CERS6: variants seen among roughly 807,000 people sequenced by gnomAD.
CERS6 encodes LAG1 homolog, ceramide synthase 6.
CERS6 carries 26 observed loss-of-function variants against 56.8 expected under a neutral mutation model. That is an observed-to-expected ratio of 0.46 (90% CI 0.34 to 0.63). The LOEUF (loss-of-function observed/expected upper bound fraction) is 0.63. Ranked by LOEUF, CERS6 falls within the 30% of genes least tolerant of loss-of-function variation. The pLI, the probability that CERS6 is intolerant of heterozygous loss-of-function variation, is 0.01. For synonymous variants in CERS6, 164 were observed against 173.3 expected (o/e 0.95, Z 0.42); for missense variants, 415 against 467.5 (o/e 0.89, Z 1.04).
rs555733802 is a variant in CERS6, at chr2:168,499,214, G to A, written c.170+42596G>A. On this transcript the variant is annotated intron_variant, in intron 1 of 9. Transcript: ENST00000305747. ...CAATTAAATATTGTAGGCCAGACTG[G>A]AATGGAGGTGGGCAGGCACTAAGTA... Among the ~76,000 whole-genome samples, 76 of 152,282 alleles carry A rather than the reference G, an allele frequency of 5.0e-4. No homozygotes were observed. The Middle Eastern group carries it at 0.01, about 20-fold the overall frequency.
At chr2:168,667,318 A>G (rs909654748) in intron 4 of CERS6, among the ~76,000 whole-genome samples, 4 of 152,204 alleles carry the variant, frequency 2.6e-5, no homozygotes, top group African/African-American at 9.6e-5. Context: ...GTTCTGTTTT[A>G]TAGGTAAAGT....
chr2:168,686,243 C>T (rs954540395), intron 4 of CERS6, among the ~76,000 whole-genome samples: 1 of 150,412 alleles, frequency 6.6e-6, no homozygotes, highest in African/African-American at 2.5e-5. Flanking sequence ...TGAGCACGCG[C>T]GTGGAGAGGG....
chr2:168,534,128 T>C (rs1695215273), intron 1 of CERS6, among the ~76,000 whole-genome samples: 1 of 152,110 alleles, frequency 6.6e-6, no homozygotes, highest in Admixed American at 6.6e-5. Flanking sequence ...TCACCTTTTA[T>C]CAAGGTTCTT....
rs1167238806 is a variant in CERS6, at chr2:168,774,358, TGTGGATCAGTTGTACA to T, written c.*4697_*4712del. The T allele has an allele frequency of 1.3e-5, 2 of 152,230 alleles. No homozygotes were observed. The highest frequency in any genetic ancestry group is 4.8e-5 in the African/African-American group (2 of 41,450). 9.4% of individuals were successfully genotyped at this position (152,230 alleles called of 1,614,324 possible). The stretch of plus-strand genomic sequence containing the variant: ...TTTAGCTATTGATTTCCCAATAGCT[TGTGGATCAGTTGTACA>T]CCCACACTTCCTTCTCTGCCTAATT... On this transcript the variant is annotated 3_prime_UTR_variant, in exon 10 of 10. Coordinates refer to ENST00000305747, the MANE Select transcript of CERS6 (RefSeq NM_203463.3).
At chr2:168,540,698 T>C (rs568803498) in intron 1 of CERS6, among the ~76,000 whole-genome samples, 1 of 152,236 alleles carries the variant, frequency 6.6e-6, no homozygotes, top group Admixed American at 6.5e-5. Context: ...TGCACTGTCG[T>C]TGAGCCTTCA....
At chr2:168,749,532 G>C (rs749936223) in intron 8 of CERS6, among the ~76,000 whole-genome samples, 7 of 152,178 alleles carry the variant, frequency 4.6e-5, no homozygotes, top group Non-Finnish European at 8.8e-5. Flanking sequence ...GAGCAGATGG[G>C]GGAAGTAGAG....
chr2:168,624,837 A>C (rs916813156), intron 3 of CERS6, among the ~76,000 whole-genome samples: 1 of 152,174 alleles, frequency 6.6e-6, no homozygotes, highest in Non-Finnish European at 1.5e-5. Flanking sequence ...TTCATATCTC[A>C]TGAAAGCTCT....
At chr2:168,665,450 G>A (rs531587613) in intron 4 of CERS6, among the ~76,000 whole-genome samples, 21 of 152,184 alleles carry the variant, frequency 1.4e-4, no homozygotes, top group African/African-American at 4.1e-4. Flanking sequence ...GTGGAAGCTC[G>A]TCCCATGGGA....
At chr2:168,675,883 C>T (rs2105344885) in intron 4 of CERS6, among the ~76,000 whole-genome samples, 2 of 152,024 alleles carry the variant, frequency 1.3e-5, no homozygotes. Flanking sequence ...GACAGGGTTT[C>T]ACCATGTTGG....
chr2:168,496,209 C>T (rs1694465216), intron 1 of CERS6, among the ~76,000 whole-genome samples: 1 of 152,164 alleles, frequency 6.6e-6, no homozygotes, highest in South Asian at 2.1e-4. Context: ...TAGGTTGTTT[C>T]TAGTATCTTC....
chr2:168,529,735 G>C (rs965083354), intron 1 of CERS6, among the ~76,000 whole-genome samples: 2 of 152,208 alleles, frequency 1.3e-5, no homozygotes, highest in Non-Finnish European at 2.9e-5. Flanking sequence ...TTGTGAAGCA[G>C]TGATGATAAT....
At chr2:168,653,758 A>T (rs1207197241) in intron 4 of CERS6, among the ~76,000 whole-genome samples, 1 of 152,214 alleles carries the variant, frequency 6.6e-6, no homozygotes, top group Non-Finnish European at 1.5e-5. Context: ...TGACAGTAAA[A>T]TTCTGCCAAA....
At chr2:168,677,124 C>G (rs1400817235) in intron 4 of CERS6, among the ~76,000 whole-genome samples, 1 of 151,282 alleles carries the variant, frequency 6.6e-6, no homozygotes, top group East Asian at 1.9e-4. Context: ...CACCCATCAA[C>G]CCATCATCTA....
At chr2:168,711,979 A>G (rs1255303503) in intron 6 of CERS6, among the ~76,000 whole-genome samples, 1 of 152,160 alleles carries the variant, frequency 6.6e-6, no homozygotes, top group Non-Finnish European at 1.5e-5. Flanking sequence ...GAATTGGAGA[A>G]TAGAAATTAG....
chr2:168,628,139 G>A (rs1214336163), intron 3 of CERS6, among the ~76,000 whole-genome samples: 1 of 152,148 alleles, frequency 6.6e-6, no homozygotes, highest in Non-Finnish European at 1.5e-5. Context: ...CCTCTAGGAA[G>A]TCATTTTTAG....
chr2:168,688,331 A>T (rs1045402094), intron 4 of CERS6, among the ~76,000 whole-genome samples: 1 of 151,790 alleles, frequency 6.6e-6, no homozygotes, highest in African/African-American at 2.4e-5. Flanking sequence ...TTTTTTATCA[A>T]TGGAGGCAGG....
chr2:168,657,139 T>C (rs976221905), intron 4 of CERS6, among the ~76,000 whole-genome samples: 16 of 152,294 alleles, frequency 1.1e-4, no homozygotes, highest in Admixed American at 3.9e-4. Flanking sequence ...ACCTCACCGA[T>C]TGGTGCAGTC....
intron 3 of CERS6, among the ~76,000 whole-genome samples, chr2:168,601,037 A>G (rs1269037378): frequency 2.0e-5 from 3 of 152,206 alleles, no homozygotes; most frequent in Non-Finnish European, 2.9e-5. Context: ...ATTACCATAG[A>G]ATCCAAGGCT....
intron 1 of CERS6, among the ~76,000 whole-genome samples, chr2:168,498,133 C>A (rs773640284): frequency 6.6e-6 from 1 of 152,116 alleles, no homozygotes; most frequent in African/African-American, 2.4e-5. Context: ...ACCACAATCC[C>A]CAAAATAGTC....
Sources: allele counts gnomAD v4.1 joint callset (sites outside exome capture counted in the v4.1 genomes callset), GRCh38; gene constraint gnomAD v4.1.1; transcripts MANE v1.5; gene names NCBI Gene and HGNC (gene_info 2026-07-23, HGNC 2026-07-21).